The following ATP8A2 variants were observed in gnomAD, a reference collection of about 807,000 sequenced individuals.
ATP8A2 encodes phospholipid-transporting ATPase IB.
A neutral mutation model predicts 165.6 loss-of-function variants in ATP8A2; 100 were observed. That is an observed-to-expected ratio of 0.60 (90% CI 0.51 to 0.71). The LOEUF (loss-of-function observed/expected upper bound fraction) is 0.71. Ranked by LOEUF, ATP8A2 falls within the 30% of genes least tolerant of loss-of-function variation. ATP8A2 has a pLI of 0.00. For missense variants in ATP8A2, 1,227 were observed against 1,479.5 expected (o/e 0.83, Z 2.80); for synonymous variants, 543 against 548.8 (o/e 0.99, Z 0.15).
At chr13:25,656,585 T>C (rs561424750) in intron 24 of ATP8A2, among the ~76,000 whole-genome samples, 1 of 152,044 alleles carries the variant, frequency 6.6e-6, no homozygotes, top group East Asian at 2.0e-4. Context: ...AGTTTGATTT[T>C]TTTAAAACTT....
intron 24 of ATP8A2, among the ~76,000 whole-genome samples, chr13:25,613,822 A>G (rs1267264088): frequency 6.6e-6 from 1 of 152,136 alleles, no homozygotes; most frequent in African/African-American, 2.4e-5. Flanking sequence ...TGTTGCTGAG[A>G]GATTCCAGTG....
At chr13:25,657,320 A>G (rs2041955197) in intron 24 of ATP8A2, among the ~76,000 whole-genome samples, 3 of 152,284 alleles carry the variant, frequency 2.0e-5, no homozygotes, top group African/African-American at 4.8e-5. Flanking sequence ...ATTGCTATAC[A>G]TCAGTGATCT....
At chr13:25,848,416 C>T (rs572422748) in intron 30 of ATP8A2, among the ~76,000 whole-genome samples, 14 of 152,292 alleles carry the variant, frequency 9.2e-5, no homozygotes, top group African/African-American at 3.1e-4. Context: ...GGGCCTAGCA[C>T]GGCATGGGGT....
At chr13:25,531,355 T>TTATATATGATATATATATGTTA (rs1593474194) in intron 4 of ATP8A2, among the ~76,000 whole-genome samples, 12 of 131,962 alleles carry the variant, frequency 9.1e-5, no homozygotes, top group African/African-American at 2.4e-4. Flanking sequence ...GATATATATG[T>TTATATATGATATATATATGTTA]TATATATGAT....
chr13:25,383,234 C>T (rs1057170321), intron 1 of ATP8A2, among the ~76,000 whole-genome samples: 15 of 151,540 alleles, frequency 9.9e-5, no homozygotes, highest in African/African-American at 2.7e-4. Context: ...TTAGTAGAGA[C>T]GGGGTTTCAC....
At chr13:25,433,964 G>A (rs1221523338) in intron 1 of ATP8A2, among the ~76,000 whole-genome samples, 2 of 152,148 alleles carry the variant, frequency 1.3e-5, no homozygotes, top group East Asian at 1.9e-4. Context: ...AGATTCTGGG[G>A]GCTCCAAAAG....
Position 25,837,229 on chromosome 13 carries a change from C to T in ATP8A2, c.2821C>T (p.Leu941Phe). ...FERSCTQESM[L>F]RFPQLYKITQ... ...GAGGTCTTGCACTCAGGAGAGCATGCTCAGGTTTCCCCAGCTCTACAAAAT... is the reference window on the plus strand; with the variant it reads ...GAGGTCTTGCACTCAGGAGAGCATGTTCAGGTTTCCCCAGCTCTACAAAAT... Residue 941 changes from leucine to phenylalanine, a missense_variant, in exon 29 of 37, where the codon CTC becomes TTC. By Grantham distance (22) the Leu-to-Phe change is conservative (BLOSUM62 0). Coordinates refer to ENST00000381655, the MANE Select transcript of ATP8A2 (RefSeq NM_016529.6). The T allele has an allele frequency of 6.2e-7, 1 of 1,614,034 alleles. No individual in the cohort carries two copies. Among genetic ancestry groups the T allele is most frequent in the South Asian group, 1.1e-5 (1 of 91,076 alleles).
At chr13:25,498,751 C>T (rs963363548) in intron 2 of ATP8A2, among the ~76,000 whole-genome samples, 1 of 152,140 alleles carries the variant, frequency 6.6e-6, no homozygotes, top group African/African-American at 2.4e-5. Flanking sequence ...TCCCCGATGC[C>T]GTTATAAACA....
In ATP8A2 at chr13:25,631,229, G is replaced by A. The variant is rs141447796; in HGVS notation, c.2211+41530G>A. Among the ~76,000 whole-genome samples the A allele has an allele frequency of 3.0e-4, 46 of 152,284 alleles. No individual in the cohort carries two copies. In the East Asian group the frequency reaches 7.9e-3, roughly 26 times the overall value. ...TCCAACAGGACTTTCTGCAGTGATGGTGAGGCTCATCTGTGCTCTGTTCAG... is the reference window on the plus strand; with the variant it reads ...TCCAACAGGACTTTCTGCAGTGATGATGAGGCTCATCTGTGCTCTGTTCAG... On this transcript the variant is annotated intron_variant, in intron 24 of 36. Transcript: ENST00000381655.
chr13:25,878,849 G>A (rs1259723678), intron 33 of ATP8A2, among the ~76,000 whole-genome samples: 1 of 151,950 alleles, frequency 6.6e-6, no homozygotes, highest in African/African-American at 2.4e-5. Flanking sequence ...ACTTCCCCAG[G>A]CACAGGAGCT....
intron 33 of ATP8A2, among the ~76,000 whole-genome samples, chr13:25,921,978 G>A (rs1954472894): frequency 6.6e-6 from 1 of 152,100 alleles, no homozygotes; most frequent in South Asian, 2.1e-4. Flanking sequence ...CCATTTGTTA[G>A]ATTTTGTAAA....
chr13:25,637,092 CAAAAAAAAAAAAA>C (rs56069703), intron 24 of ATP8A2, among the ~76,000 whole-genome samples: 1 of 67,662 alleles, frequency 1.5e-5, no homozygotes, highest in Non-Finnish European at 2.7e-5. Flanking sequence ...GACCCTGTCT[CAAAAAAAAAAAAA>C]AAAAAAAAAA....
At chr13:25,508,444 A>G (rs2037119453) in intron 2 of ATP8A2, among the ~76,000 whole-genome samples, 1 of 152,254 alleles carries the variant, frequency 6.6e-6, no homozygotes, top group Non-Finnish European at 1.5e-5. Flanking sequence ...CTCATCATAG[A>G]AGAATGGCTG....
At chr13:25,831,942 T>A (rs971959118) in intron 28 of ATP8A2, among the ~76,000 whole-genome samples, 7 of 152,094 alleles carry the variant, frequency 4.6e-5, no homozygotes, top group African/African-American at 7.2e-5. Flanking sequence ...TTCTTTATTT[T>A]TTTTTATTTT....
chr13:25,372,207 G>A lies in ATP8A2; in HGVS notation c.-6G>A. The A allele has an allele frequency of 1.4e-6, 2 of 1,440,664 alleles. No homozygotes were observed. The highest frequency in any genetic ancestry group is 1.8e-6 in the Non-Finnish European group (2 of 1,087,254). 89.2% of individuals were successfully genotyped at this position (1,440,664 alleles called of 1,614,324 possible). ...CCGGGGCCGCCGAGCCCCCGACACG[G>A]GCGAGATGCTGAACGGCGCAGGCCT... On this transcript the variant is annotated 5_prime_UTR_variant, in exon 1 of 37. Transcript: ENST00000381655. This position sits in a 1 kb window ranked among gnomAD's most constrained non-coding sequence, Gnocchi z 4.8.
At chr13:25,633,937 C>G (rs1188220575) in intron 24 of ATP8A2, among the ~76,000 whole-genome samples, 2 of 151,084 alleles carry the variant, frequency 1.3e-5, no homozygotes, top group African/African-American at 4.9e-5. Flanking sequence ...GATCGTGACA[C>G]TGTACTCCAG....
intron 24 of ATP8A2, among the ~76,000 whole-genome samples, chr13:25,679,344 C>T (rs1354113140): frequency 6.6e-6 from 1 of 152,184 alleles, no homozygotes; most frequent in Admixed American, 6.5e-5. Flanking sequence ...AGTTTGGAAG[C>T]CAGCCACCAG....
chr13:25,699,092 A>C, intron 24 of ATP8A2, 81 bp from the exon 25 acceptor site: 2 of 1,176,578 alleles, frequency 1.7e-6, no homozygotes, highest in Non-Finnish European at 2.3e-6. Flanking sequence ...TCTCATTTCA[A>C]GAAACTTAAT....
intron 24 of ATP8A2, among the ~76,000 whole-genome samples, chr13:25,616,624 C>T (rs2040835078): frequency 6.6e-6 from 1 of 152,140 alleles, no homozygotes; most frequent in Non-Finnish European, 1.5e-5. Context: ...GAACCATGAC[C>T]ACTTAATTTT....
Sources: allele counts gnomAD v4.1 joint callset (sites outside exome capture counted in the v4.1 genomes callset), GRCh38; gene constraint gnomAD v4.1.1; non-coding constraint Gnocchi (gnomAD v3.1); transcripts MANE v1.5; gene names NCBI Gene and HGNC (gene_info 2026-07-23, HGNC 2026-07-21).